The following CCDC169 variants were observed in gnomAD, a reference collection of about 807,000 sequenced individuals.
The protein encoded by CCDC169 is coiled-coil domain-containing protein 169.
In CCDC169, 30 loss-of-function variants were observed where a neutral mutation model predicts 36.0. The ratio of observed to expected loss-of-function variants is 0.83; its 90% confidence interval spans 0.62 to 1.13. The LOEUF is 1.13. Among genes scored for constraint, CCDC169 ranks in the 50% most tolerant of loss-of-function variants. CCDC169 has a pLI of 0.00. For synonymous variants in CCDC169, 85 were observed against 81.5 expected (o/e 1.04, Z -0.23); for missense variants, 245 against 245.9 (o/e 1.00, Z 0.03).
intron 4 of CCDC169, among the ~76,000 whole-genome samples, chr13:36,266,256 G>C (rs1875292702): frequency 6.6e-6 from 1 of 152,114 alleles, no homozygotes; most frequent in African/African-American, 2.4e-5. Flanking sequence ...TTGGCAAGCA[G>C]GGGAGGAGGT....
intron 4 of CCDC169, among the ~76,000 whole-genome samples, chr13:36,275,843 A>T (rs9547062): frequency 0.25 from 38,470 of 152,050 alleles, 5,156 homozygotes; most frequent in East Asian, 0.49. Flanking sequence ...GTGTGGGGCA[A>T]CAGGATGAAG....
intron 7 of CCDC169, among the ~76,000 whole-genome samples, chr13:36,247,421 A>G (rs746386160): frequency 6.6e-6 from 1 of 152,164 alleles, no homozygotes; most frequent in Admixed American, 6.6e-5. Flanking sequence ...ATGGGTCTGG[A>G]AGAAAACCTT....
At chr13:36,238,196 TC>T (rs1593997524) in intron 7 of CCDC169, among the ~76,000 whole-genome samples, 3 of 152,312 alleles carry the variant, frequency 2.0e-5, no homozygotes. Flanking sequence ...TGTTCTGGAA[TC>T]AGTTAGTGGT....
intron 4 of CCDC169, among the ~76,000 whole-genome samples, chr13:36,265,257 T>C (rs893012020): frequency 6.6e-6 from 1 of 152,218 alleles, no homozygotes; most frequent in Admixed American, 6.5e-5. Context: ...AGAAAAGTCA[T>C]TGATTTTCAG....
intron 4 of CCDC169, among the ~76,000 whole-genome samples, chr13:36,255,247 G>A (rs943447155): frequency 6.6e-6 from 1 of 152,148 alleles, no homozygotes; most frequent in Admixed American, 6.5e-5. Flanking sequence ...CAGGCAGTAG[G>A]TGTCCTCCTC....
chr13:36,288,442 T>C (rs1322141328), intron 2 of CCDC169, among the ~76,000 whole-genome samples: 1 of 152,228 alleles, frequency 6.6e-6, no homozygotes, highest in Non-Finnish European at 1.5e-5. Context: ...AGTGGACTTT[T>C]TGTGTAAGTT....
chr13:36,282,217 A>G (rs1330683353), intron 4 of CCDC169, among the ~76,000 whole-genome samples: 2 of 152,208 alleles, frequency 1.3e-5, no homozygotes, highest in African/African-American at 2.4e-5. Context: ...TTCATACTCT[A>G]TCCCACAAAA....
chr13:36,270,503 T>C (rs1330729216), intron 4 of CCDC169, among the ~76,000 whole-genome samples: 1 of 152,168 alleles, frequency 6.6e-6, no homozygotes, highest in Non-Finnish European at 1.5e-5. Context: ...AGGCATCATA[T>C]TACCAGACTT....
downstream of CCDC169, chr13:36,230,714 T>C (rs989555164): frequency 1.0e-6 from 1 of 958,784 alleles, no homozygotes; most frequent in African/African-American, 1.8e-5. Flanking sequence ...TTATTTAAGA[T>C]TGAAGGTTGT....
chr13:36,270,511 C>T lies in CCDC169; in HGVS notation c.315+12958G>A, dbSNP rs533490235. 3.3e-5 allele frequency among the ~76,000 whole-genome samples: 5 copies of T among 152,260 alleles called. No homozygotes were observed. The East Asian group carries it at 9.7e-4, about 29-fold the overall frequency. The stretch of plus-strand genomic sequence containing the variant: ...ACTCTGGAGGCATCATATTACCAGA[C>T]TTCAAATTATACTACAAGGATATAG... On this transcript the variant is annotated intron_variant, in intron 4 of 7. Coordinates refer to ENST00000239859, the MANE Select transcript of CCDC169 (RefSeq NM_001144981.3).
At chr13:36,279,311 C>T (rs1236960412) in intron 4 of CCDC169, among the ~76,000 whole-genome samples, 1 of 152,098 alleles carries the variant, frequency 6.6e-6, no homozygotes, top group African/African-American at 2.4e-5. Context: ...ATACCAAACC[C>T]TTTATTATTT....
At chr13:36,231,907 A>C (rs1341352132) in intron 7 of CCDC169, among the ~76,000 whole-genome samples, 1 of 152,172 alleles carries the variant, frequency 6.6e-6, no homozygotes, top group Non-Finnish European at 1.5e-5. Context: ...AAAATATGTA[A>C]CATGTAAGAA....
intron 7 of CCDC169, among the ~76,000 whole-genome samples, chr13:36,247,427 A>T (rs960649965): frequency 1.3e-5 from 2 of 152,252 alleles, no homozygotes; most frequent in East Asian, 3.9e-4. Flanking sequence ...CTGGAAGAAA[A>T]CCTTCTGGAA....
intron 7 of CCDC169, among the ~76,000 whole-genome samples, chr13:36,239,953 A>G (rs1871573522): frequency 6.6e-6 from 1 of 152,160 alleles, no homozygotes; most frequent in African/African-American, 2.4e-5. Context: ...TGCTGTTATA[A>G]TTAAGTTGTA....
At chr13:36,294,352 G>A (rs543389478) in intron 2 of CCDC169, among the ~76,000 whole-genome samples, 4 of 152,114 alleles carry the variant, frequency 2.6e-5, no homozygotes, top group Admixed American at 6.5e-5. Context: ...CCCTGCCAAC[G>A]CAGCTACTTG....
At position 36,283,622 on chromosome 13, in the gene CCDC169, T is replaced by A. The variant is rs1453588454; in HGVS notation, c.244A>T (p.Lys82Ter). ...GAGTTTCCATGGATTTTTTCCACTT[T>A]CTCCTTGAGATAAACAATTTGCTTT... ...LEKQIVYLKE[K>*]VEKIHGNSSD... The change falls in exon 3 of 8, where the codon AAA (lysine) becomes TAA (stop). Residue 82 changes from lysine to a stop codon, truncating the protein, a stop_gained. Transcript: ENST00000239859. LOFTEE classifies it high-confidence loss of function. The A allele has an allele frequency of 3.2e-6, 5 of 1,551,364 alleles. No individual in the cohort carries two copies. The Admixed American group carries it at 9.8e-5, about 30-fold the overall frequency.
chr13:36,294,881 C>T (rs1441773070), intron 2 of CCDC169, among the ~76,000 whole-genome samples: 1 of 152,092 alleles, frequency 6.6e-6, no homozygotes, highest in African/African-American at 2.4e-5. Context: ...ATAACATAAC[C>T]GATTAGGTTG....
chr13:36,248,851 C>G (rs958702316), intron 6 of CCDC169, among the ~76,000 whole-genome samples, 169 bp from the exon 7 acceptor site: 1 of 151,930 alleles, frequency 6.6e-6, no homozygotes, highest in African/African-American at 2.4e-5. Flanking sequence ...ATTATCAAGC[C>G]TCTAAAGATT....
intron 4 of CCDC169, among the ~76,000 whole-genome samples, chr13:36,267,889 T>C (rs1875538436): frequency 1.3e-5 from 2 of 151,966 alleles, no homozygotes; most frequent in African/African-American, 4.8e-5. Flanking sequence ...AAAGGATCAA[T>C]TCAACAAGAA....
Sources: allele counts gnomAD v4.1 joint callset (sites outside exome capture counted in the v4.1 genomes callset), GRCh38; gene constraint gnomAD v4.1.1; transcripts MANE v1.5; gene names NCBI Gene and HGNC (gene_info 2026-07-23, HGNC 2026-07-21).